The following CPVL variants were observed in gnomAD, a reference collection of about 807,000 sequenced individuals.
CPVL encodes probable serine carboxypeptidase CPVL.
Under a neutral mutation model 63.7 loss-of-function variants are expected in CPVL, and 51 were observed. That is an observed-to-expected ratio of 0.80 (90% CI 0.64 to 1.01). The LOEUF is 1.01. Among genes scored for constraint, CPVL ranks in the 50% least tolerant of loss-of-function variants. The probability of loss-of-function intolerance (pLI) is 0.00; values close to 1 mark genes in which losing one functional copy is unlikely to be tolerated. For synonymous variants in CPVL, 195 were observed against 206.0 expected (o/e 0.95, Z 0.46); for missense variants, 530 against 573.1 (o/e 0.92, Z 0.77).
chr7:29,041,543 C>A (rs1789094637), intron 11 of CPVL, among the ~76,000 whole-genome samples: 1 of 152,088 alleles, frequency 6.6e-6, no homozygotes, highest in Admixed American at 6.6e-5. Flanking sequence ...AAAGTTATTA[C>A]CCTACTAGGA....
At chr7:29,115,620 C>G (rs1788704080) in intron 2 of CPVL, among the ~76,000 whole-genome samples, 1 of 124,374 alleles carries the variant, frequency 8.0e-6, no homozygotes, top group South Asian at 2.9e-4. Flanking sequence ...CAAAATCAAA[C>G]AGATACCACC....
chr7:29,179,897 A>T (rs1797846021), intron 5 of CPVL, among the ~76,000 whole-genome samples: 2 of 152,232 alleles, frequency 1.3e-5, no homozygotes, highest in Admixed American at 1.3e-4. Flanking sequence ...CAAACAAAAA[A>T]TCTGGTCACT....
In CPVL at chr7:29,066,655, G is replaced by C. The variant is rs187378732; in HGVS notation, c.865-534C>G. ...CTATGGGAGTAAGCCTTGTGGGAAGGGTGCCTTAACATGGATCATGAACTG... is the reference window on the plus strand; with the variant it reads ...CTATGGGAGTAAGCCTTGTGGGAAGCGTGCCTTAACATGGATCATGAACTG... On this transcript the variant is annotated intron_variant, in intron 9 of 12. Transcript: ENST00000265394. Among the ~76,000 whole-genome samples, 239 of 152,310 alleles carry C rather than the reference G, an allele frequency of 1.6e-3. 2 individuals are homozygous for C. Among genetic ancestry groups the C allele is most frequent in the Non-Finnish European group, 4.7e-4 (32 of 68,026 alleles).
chr7:29,042,313 T>C (rs1191788715), intron 11 of CPVL, among the ~76,000 whole-genome samples: 3 of 152,034 alleles, frequency 2.0e-5, no homozygotes, highest in African/African-American at 7.2e-5. Context: ...CAAAATATAA[T>C]AGTAATGGGC....
At chr7:29,098,220 AC>A (rs1786652471) in intron 3 of CPVL, among the ~76,000 whole-genome samples, 1 of 152,144 alleles carries the variant, frequency 6.6e-6, no homozygotes, top group African/African-American at 2.4e-5. Context: ...GGCAAGACTG[AC>A]TCAAGAGAAG....
At chr7:29,036,635 T>G (rs1788554063) in intron 11 of CPVL, among the ~76,000 whole-genome samples, 1 of 152,206 alleles carries the variant, frequency 6.6e-6, no homozygotes, top group African/African-American at 2.4e-5. Context: ...TTCTTGAAAG[T>G]TAGAGCCATA....
chr7:28,994,726 G>T (rs1292059387), downstream of CPVL, among the ~76,000 whole-genome samples: 1 of 152,138 alleles, frequency 6.6e-6, no homozygotes, highest in Non-Finnish European at 1.5e-5. Context: ...ACGTAATCAG[G>T]CACAACATGA....
chr7:29,068,494 T>C (rs1783364181), intron 9 of CPVL, among the ~76,000 whole-genome samples: 2 of 152,098 alleles, frequency 1.3e-5, no homozygotes, highest in African/African-American at 2.4e-5. Context: ...TGCAGCTCCA[T>C]GCGATGCCTG....
chr7:29,178,528 C>T (rs776964343), intron 5 of CPVL, among the ~76,000 whole-genome samples: 1 of 152,198 alleles, frequency 6.6e-6, no homozygotes, highest in East Asian at 1.9e-4. Context: ...TGAAATGTCA[C>T]ATCCTCCGAG....
Position 29,030,636 on chromosome 7 carries a change from T to C in CPVL, c.1261A>G (p.Ile421Val), listed in dbSNP as rs777730030. The change falls in exon 12 of 13, where the codon ATC (isoleucine) becomes GTC (valine). Residue 421 changes from isoleucine to valine, a missense_variant. Physicochemically the swap from Ile to Val is conservative, Grantham distance 29 (BLOSUM62 3). Coordinates refer to ENST00000265394, the MANE Select transcript of CPVL (RefSeq NM_031311.5). Reference protein sequence around the residue: ...YKKAEKKVWKIFKSDSEVAGY... With the variant: ...YKKAEKKVWKVFKSDSEVAGY... ...GCCACTTCACTGTCAGATTTAAAGA[T>C]CTTCCAAACTTTTTTTTCTGCCTTC... The C allele has an allele frequency of 4.3e-6, 7 of 1,613,858 alleles. No individual in the cohort carries two copies. Among genetic ancestry groups the C allele is most frequent in the Non-Finnish European group, 5.9e-6 (7 of 1,179,948 alleles).
At chr7:29,017,616 C>A (rs1331745073) in intron 12 of CPVL, among the ~76,000 whole-genome samples, 3 of 152,108 alleles carry the variant, frequency 2.0e-5, no homozygotes, top group African/African-American at 7.2e-5. Flanking sequence ...CTGGGCAACA[C>A]AGCAGGACTC....
At chr7:29,149,383 G>A (rs1026369529), upstream of CPVL, among the ~76,000 whole-genome samples, 1 of 151,718 alleles carries the variant, frequency 6.6e-6, no homozygotes, top group Non-Finnish European at 1.5e-5. Context: ...TAGTAGACAC[G>A]GGGTTTCACC....
At chr7:29,111,111 G>T (rs780289133) in intron 3 of CPVL, among the ~76,000 whole-genome samples, 7 of 152,256 alleles carry the variant, frequency 4.6e-5, no homozygotes, top group Non-Finnish European at 7.3e-5. Flanking sequence ...AATGTGCGTT[G>T]TTTTAAGACA....
intron 3 of CPVL, among the ~76,000 whole-genome samples, chr7:29,097,546 A>G (rs1416002838): frequency 6.6e-6 from 1 of 152,108 alleles, no homozygotes; most frequent in African/African-American, 2.4e-5. Context: ...AATACAAAAA[A>G]TTAGCTGGGC....
chr7:29,072,662 A>C (rs1562754588), intron 7 of CPVL, among the ~76,000 whole-genome samples: 1 of 152,224 alleles, frequency 6.6e-6, no homozygotes, highest in Non-Finnish European at 1.5e-5. Flanking sequence ...ATCACAAGTG[A>C]ACATGTAATA....
At chr7:29,191,958 G>GA (rs1477609045) in intron 1 of CPVL, 1 of 152,196 alleles carries the variant, frequency 6.6e-6, no homozygotes, top group Non-Finnish European at 1.5e-5. Context: ...TCAGGCTCCT[G>GA]AATCTAAGAA....
chr7:29,158,829 TAGAG>T (rs1227199841), intron 5 of CPVL, among the ~76,000 whole-genome samples: 3 of 152,208 alleles, frequency 2.0e-5, no homozygotes. Flanking sequence ...GCTTAACTCT[TAGAG>T]AGATACTTCT....
At chr7:29,006,754 A>G (rs1785236772) in intron 12 of CPVL, among the ~76,000 whole-genome samples, 1 of 152,234 alleles carries the variant, frequency 6.6e-6, no homozygotes. Flanking sequence ...TCATGATGCC[A>G]TTTGTTAAAA....
At chr7:29,012,540 T>C (rs982739997) in intron 12 of CPVL, 1 of 152,222 alleles carries the variant, frequency 6.6e-6, no homozygotes, top group Non-Finnish European at 1.5e-5. Flanking sequence ...GTCTACAATT[T>C]AGATTAAGGT....
Sources: allele counts gnomAD v4.1 joint callset (sites outside exome capture counted in the v4.1 genomes callset), GRCh38; gene constraint gnomAD v4.1.1; transcripts MANE v1.5; gene names NCBI Gene and HGNC (gene_info 2026-07-23, HGNC 2026-07-21).